Variants in LMNTD1 observed in about 807,000 individuals in gnomAD.
LMNTD1 encodes the protein lamin tail domain-containing protein 1.
LMNTD1 carries 35 observed loss-of-function variants against 50.9 expected under a neutral mutation model. The observed-to-expected ratio is 0.69, with a 90% CI of 0.53 to 0.91. The LOEUF is 0.91. Ranked by LOEUF, LMNTD1 falls within the 40% of genes least tolerant of loss-of-function variation. The probability of loss-of-function intolerance (pLI) is 0.00; values close to 1 mark genes in which losing one functional copy is unlikely to be tolerated. For missense variants in LMNTD1, 470 were observed against 475.5 expected (o/e 0.99, Z 0.11); for synonymous variants, 153 against 161.9 (o/e 0.94, Z 0.42).
At chr12:25,499,019 A>G (rs1939232421) in intron 9 of LMNTD1, among the ~76,000 whole-genome samples, 1 of 152,212 alleles carries the variant, frequency 6.6e-6, no homozygotes, top group South Asian at 2.1e-4. Flanking sequence ...ACCCAGAATC[A>G]TCAGGTCTTG....
intron 1 of LMNTD1, among the ~76,000 whole-genome samples, chr12:25,639,338 CT>C (rs1481797161): frequency 6.6e-6 from 1 of 151,926 alleles, no homozygotes; most frequent in Non-Finnish European, 1.5e-5. Context: ...AAATTGAAAA[CT>C]TTTTTGCTAC....
At chr12:25,584,211 T>A (rs1945428386) in intron 1 of LMNTD1, among the ~76,000 whole-genome samples, 1 of 152,212 alleles carries the variant, frequency 6.6e-6, no homozygotes, top group Admixed American at 6.5e-5. Flanking sequence ...CAATAATATA[T>A]GTGATGAATA....
intron 4 of LMNTD1, among the ~76,000 whole-genome samples, chr12:25,537,546 G>C (rs2136163452): frequency 6.6e-6 from 1 of 152,040 alleles, no homozygotes; most frequent in Non-Finnish European, 1.5e-5. Flanking sequence ...CAAACAGTAA[G>C]GACATCCACA....
At chr12:25,513,779 G>A (rs1940512287) in intron 8 of LMNTD1, among the ~76,000 whole-genome samples, 1 of 145,204 alleles carries the variant, frequency 6.9e-6, no homozygotes, top group Admixed American at 6.9e-5. Flanking sequence ...AAAAGTTATA[G>A]AAAGAGATAG....
intron 8 of LMNTD1, among the ~76,000 whole-genome samples, chr12:25,504,509 C>T (rs1939600194): frequency 6.6e-6 from 1 of 151,716 alleles, no homozygotes; most frequent in South Asian, 2.1e-4. Context: ...ATTTTTATTC[C>T]TGTAAAACAA....
chr12:25,571,762 C>T (rs7953815), intron 1 of LMNTD1, among the ~76,000 whole-genome samples: 96,072 of 151,966 alleles, frequency 0.63, 34,963 homozygotes, highest in Non-Finnish European at 0.83. Context: ...CTCTGCCTCC[C>T]GGGTTCAAGC....
intron 1 of LMNTD1, among the ~76,000 whole-genome samples, chr12:25,604,832 G>A (rs1231822450): frequency 2.0e-5 from 3 of 152,148 alleles, no homozygotes; most frequent in African/African-American, 7.2e-5. Flanking sequence ...CTTTATAGAG[G>A]TATGATTTAT....
Position 25,549,252 on chromosome 12 carries a change from G to A in LMNTD1, c.310+74C>T, listed in dbSNP as rs185106362. ...AATAATAAAACATCATTCTGACTGA[G>A]AGTCATATATGCAATCTATTGAAAT... On this transcript the variant is annotated intron_variant, in intron 3 of 9. Coordinates refer to ENST00000458174, the MANE Select transcript of LMNTD1 (RefSeq NM_001145728.2). 8.0e-5 allele frequency: 60 copies of A among 746,312 alleles called. No individual in the cohort carries two copies. The African/African-American group carries it at 9.0e-4, about 11-fold the overall frequency. 46.2% of individuals were successfully genotyped at this position (746,312 alleles called of 1,614,324 possible). A position where few individuals can be genotyped will look rare whatever the true frequency, so the allele number is the denominator to read the frequency against.
intron 1 of LMNTD1, among the ~76,000 whole-genome samples, chr12:25,645,975 A>C (rs938477366): frequency 6.6e-6 from 1 of 152,110 alleles, no homozygotes; most frequent in African/African-American, 2.4e-5. Flanking sequence ...AGGACAATGA[A>C]AGGATTCTCC....
chr12:25,530,796 A>G (rs1200529302), intron 4 of LMNTD1, among the ~76,000 whole-genome samples: 1 of 152,194 alleles, frequency 6.6e-6, no homozygotes, highest in Non-Finnish European at 1.5e-5. Flanking sequence ...GATCCTGTGA[A>G]TATGTTATGT....
chr12:25,589,605 T>A (rs1165341493), intron 1 of LMNTD1, among the ~76,000 whole-genome samples: 1 of 152,244 alleles, frequency 6.6e-6, no homozygotes, highest in African/African-American at 2.4e-5. Context: ...TATACTTTTC[T>A]CAATATGTTA....
chr12:25,569,116 C>A (rs1022854090), intron 1 of LMNTD1, among the ~76,000 whole-genome samples: 1 of 152,224 alleles, frequency 6.6e-6, no homozygotes, highest in East Asian at 1.9e-4. Context: ...CAACTCCAAC[C>A]CATGAAGGCA....
chr12:25,576,126 T>C (rs994010110), intron 1 of LMNTD1, among the ~76,000 whole-genome samples: 5 of 152,196 alleles, frequency 3.3e-5, no homozygotes, highest in African/African-American at 4.8e-5. Context: ...GTCTTTGCTA[T>C]TGTGAATAGT....
chr12:25,541,011 A>C lies in LMNTD1; in HGVS notation c.491+5363T>G, dbSNP rs1943029396. Among the ~76,000 whole-genome samples the C allele has an allele frequency of 2.3e-5, 3 of 129,354 alleles. No homozygotes were observed. In the South Asian group the frequency reaches 7.9e-4, roughly 34 times the overall value. The allele number at this position is 129,354 out of a possible 152,430, so 84.9% of individuals were successfully genotyped here. A position where few individuals can be genotyped will look rare whatever the true frequency, so the allele number is the denominator to read the frequency against. ...AGAGAATAAAATACCTAGGAATCCAACTTACAAGGGATGTGAAGGACCTCT... is the reference window on the plus strand; with the variant it reads ...AGAGAATAAAATACCTAGGAATCCACCTTACAAGGGATGTGAAGGACCTCT... On this transcript the variant is annotated intron_variant, in intron 4 of 9. Coordinates refer to ENST00000458174, the MANE Select transcript of LMNTD1 (RefSeq NM_001145728.2).
intron 1 of LMNTD1, among the ~76,000 whole-genome samples, chr12:25,629,377 C>T (rs916434071): frequency 2.0e-5 from 3 of 152,196 alleles, no homozygotes; most frequent in South Asian, 2.1e-4. Flanking sequence ...AAGCCCCTAA[C>T]TCGTAAAGTG....
intron 9 of LMNTD1, among the ~76,000 whole-genome samples, chr12:25,483,087 T>A (rs1938496191): frequency 6.6e-6 from 1 of 151,978 alleles, no homozygotes; most frequent in South Asian, 2.1e-4. Context: ...AACACAACCC[T>A]TAAAAATTAA....
chr12:25,506,146 T>C (rs1045113346), intron 8 of LMNTD1, among the ~76,000 whole-genome samples: 1 of 152,236 alleles, frequency 6.6e-6, no homozygotes, highest in African/African-American at 2.4e-5. Flanking sequence ...TCTATAGATA[T>C]GATCTTAATG....
At chr12:25,603,816 G>A (rs1308910332) in intron 1 of LMNTD1, among the ~76,000 whole-genome samples, 2 of 151,994 alleles carry the variant, frequency 1.3e-5, no homozygotes, top group East Asian at 3.9e-4. Flanking sequence ...CTGAAGTGGG[G>A]AGAAGGGAAA....
chr12:25,558,051 T>G (rs531725914), upstream of LMNTD1, among the ~76,000 whole-genome samples: 3 of 152,314 alleles, frequency 2.0e-5, no homozygotes, highest in South Asian at 6.2e-4. Context: ...AGGAACCCTG[T>G]TTAAAATATG....
Sources: allele counts gnomAD v4.1 joint callset (sites outside exome capture counted in the v4.1 genomes callset), GRCh38; gene constraint gnomAD v4.1.1; transcripts MANE v1.5; gene names NCBI Gene and HGNC (gene_info 2026-07-23, HGNC 2026-07-21).